The following USP13 variants were observed in gnomAD, a reference collection of about 807,000 sequenced individuals.
USP13 encodes the protein ubiquitin specific peptidase 13.
USP13 carries 68 observed loss-of-function variants against 107.8 expected under a neutral mutation model. The ratio of observed to expected loss-of-function variants is 0.63; its 90% CI spans 0.52 to 0.77. USP13 has a LOEUF of 0.77. USP13 is among the 30% of genes least tolerant of loss of function. The probability of loss-of-function intolerance (pLI) is 0.00; values close to 1 mark genes in which losing one functional copy is unlikely to be tolerated. For synonymous variants in USP13, 377 were observed against 389.5 expected (o/e 0.97, Z 0.38); for missense variants, 945 against 1,093.3 (o/e 0.86, Z 1.91).
chr3:179,675,310 T>G (rs190274738), intron 1 of USP13, among the ~76,000 whole-genome samples: 2 of 152,272 alleles, frequency 1.3e-5, no homozygotes, highest in Admixed American at 1.3e-4. Context: ...TATTACCATG[T>G]TTCGTATAAG....
intron 12 of USP13, among the ~76,000 whole-genome samples, chr3:179,743,424 C>T (rs751905500): frequency 2.7e-5 from 4 of 150,582 alleles, no homozygotes; most frequent in Non-Finnish European, 5.9e-5. Flanking sequence ...TCAGCGGTTC[C>T]CTGGATGGCC....
chr3:179,787,210 C>A lies in USP13; in HGVS notation c.*3069C>A, dbSNP rs1411961925. 1 of 152,198 alleles carries A rather than the reference C, an allele frequency of 6.6e-6. No individual in the cohort carries two copies. The highest frequency in any genetic ancestry group is 6.5e-5 in the Admixed American group (1 of 15,282). The allele number at this position is 152,198 out of a possible 1,614,324, so 9.4% of individuals were successfully genotyped here. Reference sequence around the variant, plus strand: ...GGAAGTCCAGCGGGGATAGCTCGAGCCTCTTGCTCCCTGAGTCATTTATTC... The same window carrying A: ...GGAAGTCCAGCGGGGATAGCTCGAGACTCTTGCTCCCTGAGTCATTTATTC... On this transcript the variant is annotated 3_prime_UTR_variant, in exon 21 of 21. Coordinates refer to ENST00000263966, the MANE Select transcript of USP13 (RefSeq NM_003940.3).
intron 11 of USP13, 151 bp downstream of exon 11, chr3:179,740,523 A>G: frequency 8.1e-7 from 1 of 1,235,784 alleles, no homozygotes; most frequent in Admixed American, 2.3e-5. Context: ...ATCCCTGGAA[A>G]CTCTCTGCTC....
intron 1 of USP13, among the ~76,000 whole-genome samples, chr3:179,660,590 G>A (rs1210412454): frequency 6.6e-6 from 1 of 152,216 alleles, no homozygotes; most frequent in East Asian, 1.9e-4. Context: ...TGCTTCAGTT[G>A]TTGGTGTACA....
intron 3 of USP13, among the ~76,000 whole-genome samples, chr3:179,700,470 A>G (rs1225449366): frequency 6.6e-6 from 1 of 152,190 alleles, no homozygotes; most frequent in African/African-American, 2.4e-5. Context: ...TAAATGAGAA[A>G]ACTAAGGCTT....
intron 20 of USP13, among the ~76,000 whole-genome samples, chr3:179,782,363 C>G (rs1252171509): frequency 2.6e-5 from 4 of 152,234 alleles, no homozygotes; most frequent in Non-Finnish European, 4.4e-5. Flanking sequence ...TCTAAACCTT[C>G]AGTGCTTTGC....
chr3:179,715,546 G>A (rs980602552), intron 6 of USP13, among the ~76,000 whole-genome samples: 1 of 151,298 alleles, frequency 6.6e-6, no homozygotes, highest in African/African-American at 2.4e-5. Flanking sequence ...TGTATTTTTA[G>A]TAGAGACGGG....
At chr3:179,745,637 C>T (rs1714380140) in intron 13 of USP13, among the ~76,000 whole-genome samples, 1 of 151,866 alleles carries the variant, frequency 6.6e-6, no homozygotes, top group Non-Finnish European at 1.5e-5. Context: ...CCGCAAATGG[C>T]AAGAATGACA....
chr3:179,706,178 GT>G (rs1712710759), intron 4 of USP13, among the ~76,000 whole-genome samples: 1 of 152,180 alleles, frequency 6.6e-6, no homozygotes, highest in Non-Finnish European at 1.5e-5. Flanking sequence ...CTACTGAACT[GT>G]TTTCCAAAGT....
chr3:179,693,882 T>A (rs1712195641), intron 3 of USP13, among the ~76,000 whole-genome samples: 1 of 151,782 alleles, frequency 6.6e-6, no homozygotes, highest in African/African-American at 2.4e-5. Context: ...TTTCACCATG[T>A]TGGTCAGGCT....
chr3:179,754,641 G>T, intron 14 of USP13, 91 bp from the exon 15 acceptor site: 1 of 1,482,450 alleles, frequency 6.7e-7, no homozygotes, highest in South Asian at 1.4e-5. Flanking sequence ...CCTTAGCTCT[G>T]TCTAGACACA....
In USP13 at chr3:179,761,180, A is replaced by G; in HGVS notation, c.2017A>G (p.Lys673Glu). 1 of 1,614,182 alleles carries G rather than the reference A, an allele frequency of 6.2e-7. No individual in the cohort carries two copies. The highest frequency in any genetic ancestry group is 8.5e-7 in the Non-Finnish European group (1 of 1,180,026). Reference sequence around the variant, plus strand: ...GGGTTTCCCGCTGGAAGCATGTCGCAAGGCTGTGTACTTCACTGGAAATAT... The same window carrying G: ...GGGTTTCCCGCTGGAAGCATGTCGCGAGGCTGTGTACTTCACTGGAAATAT... ...EMGFPLEACRKAVYFTGNMGA... is the reference protein window; with the variant it reads ...EMGFPLEACREAVYFTGNMGA... The change falls in exon 17 of 21, where the codon AAG becomes GAG. Residue 673 changes from lysine (K) to glutamate (E), a missense_variant. Physicochemically the swap from Lys to Glu is moderately conservative, Grantham distance 56. Coordinates refer to ENST00000263966, the MANE Select transcript of USP13 (RefSeq NM_003940.3).
intron 10 of USP13, among the ~76,000 whole-genome samples, chr3:179,733,015 G>A (rs939660314): frequency 3.9e-5 from 6 of 152,148 alleles, no homozygotes; most frequent in African/African-American, 1.4e-4. Flanking sequence ...CATTCAGAAC[G>A]TCTGACAGTC....
intron 13 of USP13, among the ~76,000 whole-genome samples, chr3:179,750,312 ATATATATATGTGTG>A (rs1198530017): frequency 0.078 from 3,942 of 50,298 alleles, 181 homozygotes; most frequent in African/African-American, 0.21. Context: ...GTGTATATAT[ATATATATATGTGTG>A]TATATATATA....
At chr3:179,657,812 T>C (rs896521631) in intron 1 of USP13, among the ~76,000 whole-genome samples, 6 of 150,318 alleles carry the variant, frequency 4.0e-5, no homozygotes, top group African/African-American at 1.5e-4. Flanking sequence ...AATCACAAGT[T>C]GTAAGCCCAA....
At position 179,754,822 on chromosome 3, in the gene USP13, G is replaced by GC. The variant is rs780272979; in HGVS notation, c.1896dup (p.Ile633HisfsTer5). On this transcript the variant is annotated frameshift_variant, in exon 15 of 21. Coordinates refer to ENST00000263966, the MANE Select transcript of USP13 (RefSeq NM_003940.3). LOFTEE classifies it high-confidence loss of function. Reference sequence around the variant, plus strand: ...GGAGAGGAAGAACTTCCAGACATCAGCCCCCCCATAGTCATTCCTGATGAC... The same window carrying GC: ...GGAGAGGAAGAACTTCCAGACATCAGCCCCCCCCATAGTCATTCCTGATGAC... The GC allele has an allele frequency of 8.7e-6, 14 of 1,612,376 alleles. No homozygotes were observed. The highest frequency in any genetic ancestry group is 1.0e-5 in the Non-Finnish European group (12 of 1,179,382).
Position 179,742,101 on chromosome 3 carries a change from G to A in USP13, c.1381-96G>A. The A allele has an allele frequency of 6.8e-7, 1 of 1,469,412 alleles. No individual in the cohort carries two copies. Among genetic ancestry groups the A allele is most frequent in the African/African-American group, 1.4e-5 (1 of 71,722 alleles). 91.0% of individuals were successfully genotyped at this position (1,469,412 alleles called of 1,614,324 possible). On this transcript the variant is annotated intron_variant, in intron 11 of 20. Transcript: ENST00000263966. The surrounding 1 kb of genome is among the most constrained non-coding windows in gnomAD (Gnocchi z 5.0). Reference sequence around the variant, plus strand: ...ATGGCCAGAGGAAATGTTTAATAAAGCCAAGTGTTTACACCGGGTTTAGAG... The same window carrying A: ...ATGGCCAGAGGAAATGTTTAATAAAACCAAGTGTTTACACCGGGTTTAGAG...
intron 8 of USP13, among the ~76,000 whole-genome samples, chr3:179,728,157 G>A (rs1232827502): frequency 1.5e-5 from 2 of 133,504 alleles, no homozygotes; most frequent in African/African-American, 2.7e-5. Flanking sequence ...CCGGGCAGAG[G>A]CGCCCCTCAC....
At chr3:179,710,214 C>A (rs1452411551) in intron 6 of USP13, among the ~76,000 whole-genome samples, 1 of 152,152 alleles carries the variant, frequency 6.6e-6, no homozygotes. Flanking sequence ...AAAGGAAATT[C>A]AAGACAAGCG....
Sources: gnomAD v4.1 joint callset for allele counts (sites outside exome capture counted in the v4.1 genomes callset) on GRCh38, gnomAD v4.1.1 for gene constraint, Gnocchi (gnomAD v3.1) non-coding constraint, MANE v1.5 for transcripts, NCBI Gene and HGNC (gene_info 2026-07-23, HGNC 2026-07-21) for gene names.